Variants in KPNA6 observed in about 807,000 individuals in gnomAD.
The protein encoded by KPNA6 is importin subunit alpha-7.
KPNA6 carries 9 observed loss-of-function variants against 72.0 expected under a neutral mutation model. That is an observed-to-expected ratio of 0.13 (90% CI 0.08 to 0.22). The LOEUF (loss-of-function observed/expected upper bound fraction) is 0.22, where lower values mean the gene tolerates loss of function less well. KPNA6 is among the 10% of genes least tolerant of loss of function. KPNA6 has a pLI of 1.00. For missense variants in KPNA6, 374 were observed against 655.7 expected (o/e 0.57, Z 4.69); for synonymous variants, 219 against 242.1 (o/e 0.90, Z 0.89).
chr1:32,118,817 T>C (rs961152961), intron 1 of KPNA6, among the ~76,000 whole-genome samples: 6 of 151,398 alleles, frequency 4.0e-5, no homozygotes, highest in Non-Finnish European at 5.9e-5. Flanking sequence ...TGAAATAAAA[T>C]AGAGATAATA....
chr1:32,169,687 C>G (rs1279116359), intron 12 of KPNA6, among the ~76,000 whole-genome samples, 195 bp from the exon 13 acceptor site: 2 of 149,688 alleles, frequency 1.3e-5, no homozygotes, highest in African/African-American at 4.9e-5. Context: ...GTCGCGATCT[C>G]TTGACATTGT....
intron 13 of KPNA6, 69 bp from the exon 14 acceptor site, chr1:32,170,638 T>C: frequency 7.5e-7 from 1 of 1,337,006 alleles, no homozygotes; most frequent in Non-Finnish European, 1.1e-6. Context: ...GAAGGAAAAA[T>C]AGGTAAATGT....
chr1:32,150,773 C>T (rs1331245714), intron 1 of KPNA6, among the ~76,000 whole-genome samples: 4 of 152,104 alleles, frequency 2.6e-5, no homozygotes, highest in Non-Finnish European at 2.9e-5. Flanking sequence ...ACTACAGGTG[C>T]GTGCCACCAA....
intron 1 of KPNA6, among the ~76,000 whole-genome samples, chr1:32,122,378 C>CAA (rs774610926): frequency 7.3e-5 from 6 of 81,974 alleles, no homozygotes; most frequent in African/African-American, 1.4e-4. Context: ...AGAGAACAAG[C>CAA]AAAAAAAAAA....
chr1:32,150,352 G>C (rs1642007280), intron 1 of KPNA6, among the ~76,000 whole-genome samples: 2 of 151,666 alleles, frequency 1.3e-5, no homozygotes, highest in Non-Finnish European at 2.9e-5. Flanking sequence ...AGGCTGGTCT[G>C]GAACTCCTGG....
Position 32,149,548 on chromosome 1 carries a change from C to T in KPNA6, c.5-5040C>T, listed in dbSNP as rs80041979. 6.9e-3 allele frequency among the ~76,000 whole-genome samples: 1,044 copies of T among 152,208 alleles called. 11 individuals carry two copies. Among genetic ancestry groups the T allele is most frequent in the African/African-American group, 0.023 (949 of 41,514 alleles). On this transcript the variant is annotated intron_variant, in intron 1 of 13. Transcript: ENST00000373625. ...GCTAGGAATGGTTTCTACTTTATTC[C>T]GCGAATGGGCCATGCTTCCCTGTTT...
rs753996650 is a variant in KPNA6 at position 32,108,089 on chromosome 1, C to G, written c.-42C>G. 4 of 1,613,776 alleles carry G rather than the reference C, an allele frequency of 2.5e-6. No homozygotes were observed. The highest frequency in any genetic ancestry group is 3.4e-6 in the Non-Finnish European group (4 of 1,179,812). On this transcript the variant is annotated 5_prime_UTR_variant, in exon 1 of 14. Coordinates refer to ENST00000373625, the MANE Select transcript of KPNA6 (RefSeq NM_012316.5). ...TACTGAAAGCTGCCGCTGAAGCTGC[C>G]GCCGTTGCCTCCGCCGCCAAGAGTG...
chr1:32,160,445 AC>A (rs1393648463), intron 6 of KPNA6, among the ~76,000 whole-genome samples, 169 bp from the exon 7 acceptor site: 6 of 152,202 alleles, frequency 3.9e-5, no homozygotes, highest in Admixed American at 6.5e-5. Flanking sequence ...TCATTGTAGA[AC>A]AAGTGCTCAG....
At chr1:32,133,728 G>C (rs576167338) in intron 1 of KPNA6, among the ~76,000 whole-genome samples, 1 of 152,032 alleles carries the variant, frequency 6.6e-6, no homozygotes, top group South Asian at 2.1e-4. Context: ...AAGAAAAACC[G>C]TCAAGCAAGA....
At chr1:32,135,222 C>G (rs1641712894) in intron 1 of KPNA6, among the ~76,000 whole-genome samples, 1 of 152,112 alleles carries the variant, frequency 6.6e-6, no homozygotes, top group Non-Finnish European at 1.5e-5. Context: ...CATGCACCAC[C>G]AGGCCTGGCT....
intron 12 of KPNA6, among the ~76,000 whole-genome samples, chr1:32,168,097 G>C (rs1367552744): frequency 6.6e-6 from 1 of 152,192 alleles, no homozygotes; most frequent in Non-Finnish European, 1.5e-5. Flanking sequence ...GAGCCCAGGA[G>C]GTCACAGTTG....
chr1:32,143,366 C>T (rs919895041), intron 1 of KPNA6, among the ~76,000 whole-genome samples: 10 of 151,226 alleles, frequency 6.6e-5, no homozygotes, highest in South Asian at 2.1e-4. Context: ...GCTACAATGC[C>T]GATTAAAAAA....
Position 32,170,732 on chromosome 1 carries a change from G to A in KPNA6, c.1449G>A (p.Gln483=). 1 of 1,614,042 alleles carries A rather than the reference G, an allele frequency of 6.2e-7. No individual in the cohort carries two copies. The highest frequency in any genetic ancestry group is 8.5e-7 in the Non-Finnish European group (1 of 1,179,966). Residue 483 remains glutamine, a synonymous_variant, in exon 14 of 14, where the codon CAG becomes CAA. Coordinates refer to ENST00000373625, the MANE Select transcript of KPNA6 (RefSeq NM_012316.5). Reference sequence around the variant, plus strand: ...GCTTGGATAAAATTGAGTTTCTCCAGAGCCACGAGAACCAGGAGATCTACC... The same window carrying A: ...GCTTGGATAAAATTGAGTTTCTCCAAAGCCACGAGAACCAGGAGATCTACC... The part of the protein sequence containing the change: ...AYGLDKIEFL[Q]SHENQEIYQK...
chr1:32,155,042 C>T (rs1192482941), intron 2 of KPNA6, among the ~76,000 whole-genome samples: 6 of 131,568 alleles, frequency 4.6e-5, no homozygotes, highest in Admixed American at 1.8e-4. Context: ...ACCTGGGAGG[C>T]GGAGGTTGCA....
intron 12 of KPNA6, among the ~76,000 whole-genome samples, chr1:32,167,675 C>G (rs1167129073): frequency 6.6e-6 from 1 of 152,068 alleles, no homozygotes. Flanking sequence ...TTTCTTCAGC[C>G]TGACCAACAT....
chr1:32,168,958 CAAG>C (rs2124096724), intron 12 of KPNA6, among the ~76,000 whole-genome samples: 1 of 152,176 alleles, frequency 6.6e-6, no homozygotes, highest in African/African-American at 2.4e-5. Context: ...ACATTAGAGG[CAAG>C]GAGGAGGAGT....
intron 13 of KPNA6, 56 bp downstream of exon 13, chr1:32,170,116 G>T: frequency 6.7e-7 from 1 of 1,486,390 alleles, no homozygotes; most frequent in Middle Eastern, 1.8e-4. Flanking sequence ...CCTCCAACGT[G>T]GTATACATAT....
chr1:32,162,296 G>T, intron 8 of KPNA6, 65 bp from the exon 9 acceptor site: 1 of 1,445,296 alleles, frequency 6.9e-7, no homozygotes, highest in Non-Finnish European at 9.4e-7. Context: ...TGCAATGTTA[G>T]GGTTCGTGAT....
rs1349857595 is a variant in KPNA6 at position 32,162,500 on chromosome 1, G to C, written c.887G>C (p.Cys296Ser). ...KIQAVIDSGV[C>S]RRLVELLMHN... ...CAGGCAGTCATAGACTCCGGAGTCT[G>C]CCGGAGATTGGTAGAGCTGCTGATG... The change falls in exon 9 of 14, where the codon TGC (cysteine) becomes TCC (serine). Residue 296 changes from cysteine (C) to serine (S), a missense_variant. Cys to Ser is a moderately radical substitution (Grantham distance 112). Coordinates refer to ENST00000373625, the MANE Select transcript of KPNA6 (RefSeq NM_012316.5). 2 of 1,613,998 alleles carry C rather than the reference G, an allele frequency of 1.2e-6. No individual in the cohort carries two copies. Among genetic ancestry groups the C allele is most frequent in the Admixed American group, 3.3e-5 (2 of 60,018 alleles).
Sources: gnomAD v4.1 joint callset for allele counts (sites outside exome capture counted in the v4.1 genomes callset) on GRCh38, gnomAD v4.1.1 for gene constraint, MANE v1.5 for transcripts, NCBI Gene and HGNC (gene_info 2026-07-23, HGNC 2026-07-21) for gene names.